XYLB: variants seen among roughly 807,000 people sequenced by gnomAD.
XYLB encodes xylulokinase.
A neutral mutation model predicts 78.7 loss-of-function variants in XYLB; 62 were observed. The ratio of observed to expected loss-of-function variants is 0.79; its 90% CI spans 0.64 to 0.97. XYLB has a LOEUF of 0.97. Among genes scored for constraint, XYLB ranks in the 50% least tolerant of loss-of-function variants. XYLB has a pLI of 0.00. For synonymous variants in XYLB, 245 were observed against 247.4 expected, an observed-to-expected ratio of 0.99 and a Z score of 0.09; for missense variants, 687 against 676.8, an observed-to-expected ratio of 1.02 and a Z score of -0.17.
intron 15 of XYLB, among the ~76,000 whole-genome samples, chr3:38,382,980 T>C (rs751270872): frequency 2.6e-5 from 4 of 152,234 alleles, no homozygotes; most frequent in African/African-American, 7.2e-5. Flanking sequence ...GGCTGCTGTG[T>C]GGACTGGCCA....
At chr3:38,349,317 T>C (rs1167735770) in intron 2 of XYLB, among the ~76,000 whole-genome samples, 32 of 152,222 alleles carry the variant, frequency 2.1e-4, no homozygotes, top group Admixed American at 2.0e-3. Context: ...AGAGTTTGTC[T>C]TTATTCTAAA....
rs987901369 is a variant in XYLB, at chr3:38,355,938, C to T, written c.141-4401C>T. 1.2e-5 allele frequency: 7 copies of T among 606,756 alleles called. No individual in the cohort carries two copies. The African/African-American group carries it at 1.3e-4, about 11-fold the overall frequency. 37.6% of individuals were successfully genotyped at this position (606,756 alleles called of 1,614,324 possible). On this transcript the variant is annotated intron_variant, in intron 2 of 18. Coordinates refer to ENST00000207870, the MANE Select transcript of XYLB (RefSeq NM_005108.4). ...TTTCCTTAACTAATATAATTTTTTCCCTCATATCCTTTTTTTAAAGAAAAT... is the reference window on the plus strand; with the variant it reads ...TTTCCTTAACTAATATAATTTTTTCTCTCATATCCTTTTTTTAAAGAAAAT...
the XYLB span, among the ~76,000 whole-genome samples, chr3:38,428,717 T>C: frequency 6.6e-6 from 1 of 152,252 alleles, no homozygotes; most frequent in Non-Finnish European, 1.5e-5. Context: ...AACACTGTCT[T>C]TTGGTTAGAG....
the XYLB span, among the ~76,000 whole-genome samples, chr3:38,431,932 G>A: frequency 6.6e-6 from 1 of 152,066 alleles, no homozygotes; most frequent in Non-Finnish European, 1.5e-5. Flanking sequence ...CTTGACACAT[G>A]AGGATTGTTA....
chr3:38,398,283 T>G (rs1395930999), intron 17 of XYLB, among the ~76,000 whole-genome samples: 1 of 150,510 alleles, frequency 6.6e-6, no homozygotes, highest in Admixed American at 6.6e-5. Context: ...GCCTGGACAA[T>G]ATGGTGAAAC....
the XYLB span, among the ~76,000 whole-genome samples, chr3:38,446,993 T>C: frequency 6.6e-6 from 1 of 152,202 alleles, no homozygotes; most frequent in Non-Finnish European, 1.5e-5. Context: ...ACCTGTTGAA[T>C]GGGAGAAAAT....
In XYLB at chr3:38,389,097, C is replaced by T. The variant is rs867610371; in HGVS notation, c.1292-6408C>T. Among the ~76,000 whole-genome samples, 418 of 147,078 alleles carry T rather than the reference C, an allele frequency of 2.8e-3. 6 individuals carry two copies. The highest frequency in any genetic ancestry group is 9.7e-3 in the African/African-American group (385 of 39,786). On this transcript the variant is annotated intron_variant, in intron 15 of 18. Transcript: ENST00000207870. Reference sequence around the variant, plus strand: ...CTAGGCAGAGGACCCTGCGGCCTTCCGCAGTGTTTGTGTCCCTGGGTACTT... The same window carrying T: ...CTAGGCAGAGGACCCTGCGGCCTTCTGCAGTGTTTGTGTCCCTGGGTACTT...
At chr3:38,353,473 A>AT (rs1178537364) in intron 2 of XYLB, among the ~76,000 whole-genome samples, 1 of 151,614 alleles carries the variant, frequency 6.6e-6, no homozygotes, top group Non-Finnish European at 1.5e-5. Context: ...TGACCAGCTA[A>AT]TTTTTTTGTA....
intron 6 of XYLB, among the ~76,000 whole-genome samples, chr3:38,365,973 G>C (rs901228180): frequency 6.6e-6 from 1 of 152,088 alleles, no homozygotes; most frequent in Non-Finnish European, 1.5e-5. Flanking sequence ...ATGGGGGTGA[G>C]GGTACCCCCT....
chr3:38,364,180 C>T (rs1047619575), intron 4 of XYLB, among the ~76,000 whole-genome samples: 1 of 152,012 alleles, frequency 6.6e-6, no homozygotes, highest in Non-Finnish European at 1.5e-5. Context: ...GGAATTCTCC[C>T]CATCCACCCA....
intron 15 of XYLB, among the ~76,000 whole-genome samples, chr3:38,383,473 G>C (rs1260852977): frequency 1.3e-5 from 2 of 152,184 alleles, no homozygotes; most frequent in Non-Finnish European, 2.9e-5. Flanking sequence ...GTCAAATCTT[G>C]TAATAACAAG....
intron 15 of XYLB, among the ~76,000 whole-genome samples, chr3:38,385,381 T>A (rs1707339020): frequency 6.6e-6 from 1 of 152,196 alleles, no homozygotes; most frequent in Non-Finnish European, 1.5e-5. Flanking sequence ...GGTTGGTATA[T>A]TTTATTAAGC....
intron 18 of XYLB, among the ~76,000 whole-genome samples, chr3:38,408,155 G>A (rs1170184547): frequency 4.0e-5 from 6 of 151,596 alleles, no homozygotes; most frequent in Admixed American, 1.3e-4. Flanking sequence ...CTCAGCAAAC[G>A]TAAAAGAACA....
intron 12 of XYLB, 113 bp from the exon 13 acceptor site, chr3:38,376,004 G>A: frequency 1.3e-6 from 1 of 748,010 alleles, no homozygotes; most frequent in South Asian, 1.5e-5. Context: ...ACTGACTAGG[G>A]GTCGTGGTCC....
downstream of XYLB, among the ~76,000 whole-genome samples, chr3:38,419,279 G>A (rs1465603092): frequency 2.0e-5 from 3 of 152,000 alleles, no homozygotes; most frequent in African/African-American, 7.2e-5. Flanking sequence ...ATTCCGCTGT[G>A]TTTATATACC....
chr3:38,360,995 A>G (rs918393006), intron 3 of XYLB, among the ~76,000 whole-genome samples: 1 of 152,196 alleles, frequency 6.6e-6, no homozygotes, highest in Non-Finnish European at 1.5e-5. Flanking sequence ...AGACTGCACC[A>G]TTGCACTCCA....
chr3:38,397,166 T>C lies in XYLB; in HGVS notation c.1438+7T>C. 6.2e-7 allele frequency: 1 copy of C among 1,613,782 alleles called. No homozygotes were observed. On this transcript the variant is annotated splice_region_variant and intron_variant, in intron 17 of 18. Coordinates refer to ENST00000207870, the MANE Select transcript of XYLB (RefSeq NM_005108.4). ...GCATACCGAGCTTTTCATGGTAGGT[T>C]GATGGAGGGAGACAGCTATCTCTGG...
intron 10 of XYLB, 136 bp from the exon 11 acceptor site, chr3:38,374,326 C>T: frequency 7.8e-7 from 1 of 1,277,454 alleles, no homozygotes; most frequent in Non-Finnish European, 1.1e-6. Context: ...GCTCAGCTCC[C>T]CTGCTCCTGC....
At chr3:38,424,572 T>C (rs917824702), downstream of XYLB, among the ~76,000 whole-genome samples, 2 of 152,212 alleles carry the variant, frequency 1.3e-5, no homozygotes, top group African/African-American at 4.8e-5. Context: ...ATGGGTCTAG[T>C]AATGGTGAAG....
Sources: gnomAD v4.1 joint callset for allele counts (sites outside exome capture counted in the v4.1 genomes callset) on GRCh38, gnomAD v4.1.1 for gene constraint, MANE v1.5 for transcripts, NCBI Gene and HGNC (gene_info 2026-07-23, HGNC 2026-07-21) for gene names.